HDAC9: variants seen among roughly 807,000 people sequenced by gnomAD.
The protein encoded by HDAC9 is histone deacetylase 9.
Under a neutral mutation model 139.4 loss-of-function variants are expected in HDAC9, and 41 were observed. The observed-to-expected ratio is 0.29, with a 90% CI of 0.23 to 0.38. The LOEUF (loss-of-function observed/expected upper bound fraction) is 0.38, where lower values mean the gene tolerates loss of function less well. HDAC9 is among the 10% of genes least tolerant of loss of function. The pLI, the probability that HDAC9 is intolerant of heterozygous loss-of-function variation, is 1.00. For missense variants in HDAC9, 1,147 were observed against 1,297.0 expected (o/e 0.88, Z 1.78); for synonymous variants, 517 against 476.2 (o/e 1.09, Z -1.12).
At chr7:18,254,915 A>G (rs10282103) in intron 2 of HDAC9, among the ~76,000 whole-genome samples, 47,572 of 151,982 alleles carry the variant, frequency 0.31, 8,350 homozygotes, top group African/African-American at 0.47. Context: ...CCAAAACTGA[A>G]AAATGTAGAC....
At chr7:18,729,487 A>G (rs1266454485) in intron 13 of HDAC9, among the ~76,000 whole-genome samples, 1 of 152,072 alleles carries the variant, frequency 6.6e-6, no homozygotes, top group Non-Finnish European at 1.5e-5. Context: ...GTTCCTTTGA[A>G]TGAATGAAGC....
Position 18,433,516 on chromosome 7 carries a change from A to G in HDAC9, c.-41-62746A>G, listed in dbSNP as rs527619731. On this transcript the variant is annotated intron_variant, in intron 1 of 3. Transcript: ENST00000413509. ...CCAAAAGCTATAGTCTCTGCTCAAA[A>G]GCTATAGTCTCTGCCCAAAAGCTCC... Among the ~76,000 whole-genome samples, 14 of 152,214 alleles carry G rather than the reference A, an allele frequency of 9.2e-5. No individual in the cohort carries two copies. In the South Asian group the frequency reaches 2.7e-3, roughly 29 times the overall value.
intron 11 of HDAC9, among the ~76,000 whole-genome samples, chr7:18,655,519 A>T (rs1428994602): frequency 6.6e-6 from 1 of 152,206 alleles, no homozygotes; most frequent in Non-Finnish European, 1.5e-5. Flanking sequence ...AGCTTATATC[A>T]TCACAAGGAA....
At chr7:18,294,232 T>C (rs1288392272) in intron 1 of HDAC9, among the ~76,000 whole-genome samples, 1 of 151,946 alleles carries the variant, frequency 6.6e-6, no homozygotes, top group East Asian at 1.9e-4. Flanking sequence ...GGAGAGAGGG[T>C]GTGTGTGTAT....
At chr7:18,653,955 T>G (rs541542141) in intron 11 of HDAC9, among the ~76,000 whole-genome samples, 1 of 152,274 alleles carries the variant, frequency 6.6e-6, no homozygotes, top group South Asian at 2.1e-4. Context: ...TCCTTCATGC[T>G]TGTGGTCACA....
intron 1 of HDAC9, among the ~76,000 whole-genome samples, chr7:18,296,008 A>G (rs952738195): frequency 3.9e-5 from 6 of 152,150 alleles, no homozygotes; most frequent in Admixed American, 1.3e-4. Flanking sequence ...TTTCTGCAGG[A>G]GAGTGGGAGA....
chr7:18,262,647 A>C (rs544813835), intron 2 of HDAC9, among the ~76,000 whole-genome samples: 38 of 152,354 alleles, frequency 2.5e-4, no homozygotes, highest in Admixed American at 1.4e-3. Flanking sequence ...ATACAATGAC[A>C]TTAAAGCAAT....
chr7:18,727,516 G>A, intron 12 of HDAC9, 64 bp from the exon 13 acceptor site: 2 of 1,344,232 alleles, frequency 1.5e-6, no homozygotes, highest in Admixed American at 2.5e-5. Context: ...TTGACATGTC[G>A]CTCAGTGTCT....
rs1784104076 is a variant in HDAC9, at chr7:18,969,369, T to G, written c.3023-6437T>G. On this transcript the variant is annotated intron_variant, in intron 24 of 25. Transcript: ENST00000686413. ...CTACATTTTAGCCATCCTAACACAG[T>G]GTACAAGTGAGCCTCAAAAGTACTT... 2.0e-5 allele frequency among the ~76,000 whole-genome samples: 3 copies of G among 152,294 alleles called. No individual in the cohort carries two copies. The South Asian group carries it at 6.2e-4, about 32-fold the overall frequency.
At chr7:18,181,787 A>C (rs944184289) in intron 2 of HDAC9, among the ~76,000 whole-genome samples, 2 of 152,156 alleles carry the variant, frequency 1.3e-5, no homozygotes, top group South Asian at 4.1e-4. Context: ...AGATTCTTAC[A>C]TGCTGAGGGC....
chr7:18,888,263 TAAA>T (rs1184303359), intron 22 of HDAC9, among the ~76,000 whole-genome samples: 1 of 151,742 alleles, frequency 6.6e-6, no homozygotes, highest in Non-Finnish European at 1.5e-5. Context: ...CTACTAAAAA[TAAA>T]AAAATAAAAT....
At chr7:18,987,544 T>C (rs1360345700) in intron 25 of HDAC9, among the ~76,000 whole-genome samples, 1 of 152,230 alleles carries the variant, frequency 6.6e-6, no homozygotes, top group East Asian at 1.9e-4. Flanking sequence ...TGGTTGTGTC[T>C]CTGCCAGGCT....
At chr7:18,654,574 G>A (rs754560644) in intron 11 of HDAC9, among the ~76,000 whole-genome samples, 39 of 152,012 alleles carry the variant, frequency 2.6e-4, no homozygotes, top group Non-Finnish European at 5.4e-4. Context: ...CCTAACATAG[G>A]TTGTATGACA....
chr7:18,421,513 AAGAAAT>A (rs1208456349), intron 1 of HDAC9, among the ~76,000 whole-genome samples: 3 of 152,142 alleles, frequency 2.0e-5, no homozygotes, highest in Non-Finnish European at 2.9e-5. Flanking sequence ...GAAGAAAAGA[AAGAAAT>A]AGAATAAAAC....
chr7:18,263,597 A>C (rs1276948799), intron 2 of HDAC9, among the ~76,000 whole-genome samples: 3 of 142,286 alleles, frequency 2.1e-5, no homozygotes, highest in Non-Finnish European at 1.5e-5. Flanking sequence ...CTTGCTTGGT[A>C]AGAGTTTATA....
intron 2 of HDAC9, among the ~76,000 whole-genome samples, chr7:18,242,712 C>A (rs897448837): frequency 6.6e-6 from 1 of 151,978 alleles, no homozygotes; most frequent in African/African-American, 2.4e-5. Flanking sequence ...CCTTTTCTGC[C>A]TTCTACTTTT....
chr7:18,465,855 A>G (rs1368333435), intron 1 of HDAC9, among the ~76,000 whole-genome samples: 1 of 152,058 alleles, frequency 6.6e-6, no homozygotes, highest in Non-Finnish European at 1.5e-5. Context: ...TTCTTTTTCT[A>G]ATGTGGAGAT....
At chr7:18,258,365 G>C (rs556559023) in intron 2 of HDAC9, among the ~76,000 whole-genome samples, 1 of 152,052 alleles carries the variant, frequency 6.6e-6, no homozygotes, top group Non-Finnish European at 1.5e-5. Flanking sequence ...TTGGGGAACC[G>C]GTGGTGTTTG....
intron 1 of HDAC9, among the ~76,000 whole-genome samples, chr7:18,478,607 A>C (rs1206682887): frequency 1.3e-5 from 2 of 152,210 alleles, no homozygotes; most frequent in East Asian, 3.8e-4. Flanking sequence ...GAGGAAGATA[A>C]ATTTAGCCAA....
Sources: allele counts gnomAD v4.1 joint callset (sites outside exome capture counted in the v4.1 genomes callset), GRCh38; gene constraint gnomAD v4.1.1; transcripts MANE v1.5; gene names NCBI Gene and HGNC (gene_info 2026-07-23, HGNC 2026-07-21).